The following STAB2 variants were observed in gnomAD, a reference collection of about 807,000 sequenced individuals.
The protein encoded by STAB2 is stabilin-2.
STAB2 carries 288 observed loss-of-function variants against 338.1 expected under a neutral mutation model. That is an observed-to-expected ratio of 0.85 (90% CI 0.77 to 0.94). The LOEUF (loss-of-function observed/expected upper bound fraction) is 0.94. STAB2 is among the 40% of genes least tolerant of loss of function. The pLI is 0.00. For synonymous variants in STAB2, 1,202 were observed against 1,193.3 expected (o/e 1.01, Z -0.15); for missense variants, 3,141 against 3,210.1 (o/e 0.98, Z 0.52).
At chr12:103,698,765 T>C (rs924873008) in intron 33 of STAB2, among the ~76,000 whole-genome samples, 63 of 152,120 alleles carry the variant, frequency 4.1e-4, no homozygotes, top group African/African-American at 1.4e-3. Flanking sequence ...AAAGGCAGGC[T>C]GGGGTGTGGG....
intron 60 of STAB2, among the ~76,000 whole-genome samples, chr12:103,750,951 T>C (rs1290848268): frequency 6.6e-6 from 1 of 152,158 alleles, no homozygotes; most frequent in Non-Finnish European, 1.5e-5. Context: ...AATCAGCCGG[T>C]TGTGGCAGTG....
At chr12:103,739,555 G>C in intron 54 of STAB2, 87 bp downstream of exon 54, 1 of 920,164 alleles carries the variant, frequency 1.1e-6, no homozygotes, top group Non-Finnish European at 1.6e-6. Context: ...GTGTGTGTGT[G>C]TGTGTGTGTG....
At chr12:103,671,251 A>G (rs1378445887) in intron 22 of STAB2, among the ~76,000 whole-genome samples, 1 of 152,172 alleles carries the variant, frequency 6.6e-6, no homozygotes, top group Non-Finnish European at 1.5e-5. Flanking sequence ...CAGGAGTTTG[A>G]GACCAGCCTG....
rs752753794 is a variant in STAB2, at chr12:103,749,106, G to A, written c.6388G>A (p.Gly2130Ser). The stretch of plus-strand genomic sequence containing the variant: ...CACAGAGATAGACCCCTGTGCAGAC[G>A]GCCTTAACGGAGGGTGTCACGAGCA... Reference protein sequence around the residue: ...SCTEIDPCADGLNGGCHEHAT... With the variant: ...SCTEIDPCADSLNGGCHEHAT... Residue 2130 changes from glycine to serine, a missense_variant, in exon 59 of 69, where the codon GGC (glycine) becomes AGC (serine). Transcript: ENST00000388887. The A allele has an allele frequency of 5.8e-5, 93 of 1,612,324 alleles. No homozygotes were observed. In the South Asian group the frequency reaches 8.3e-4, roughly 14 times the overall value.
chr12:103,673,949 GC>G lies in STAB2; in HGVS notation c.2415del (p.Ser805ArgfsTer70). The G allele has an allele frequency of 6.2e-7, 1 of 1,614,066 alleles. No individual in the cohort carries two copies. Reference sequence around the variant, plus strand: ...GGAACATGCAATAACAGGATAGACAGCGATGGGGCCTGCCTCACTGGCACAT... The same window carrying G: ...GGAACATGCAATAACAGGATAGACAGGATGGGGCCTGCCTCACTGGCACAT... ...VHGTCNNRIDSDGACLTGTCR... is the reference protein window; with the variant it reads ...VHGTCNNRIDXDGACLTGTCR... On this transcript the variant is annotated frameshift_variant, in exon 23 of 69. Coordinates refer to ENST00000388887, the MANE Select transcript of STAB2 (RefSeq NM_017564.10). LOFTEE classifies it high-confidence loss of function.
rs1415206245 is a variant in STAB2, at chr12:103,720,011, CCTT to C, written c.4683+2178_4683+2180del. Among the ~76,000 whole-genome samples the C allele has an allele frequency of 3.9e-5, 6 of 152,292 alleles. No individual in the cohort carries two copies. The South Asian group carries it at 8.3e-4, about 21-fold the overall frequency. ...AGTGCAGACGCCCTGTAATTAAAGCCCTTCTTCTTCAATTGAGGCTCCCATTAT... is the reference window on the plus strand; with the variant it reads ...AGTGCAGACGCCCTGTAATTAAAGCCCTTCTTCAATTGAGGCTCCCATTAT... On this transcript the variant is annotated intron_variant, in intron 44 of 68. Transcript: ENST00000388887.
rs139260818 is a variant in STAB2 at position 103,594,475 on chromosome 12, G to T, written c.296G>T (p.Arg99Leu). 10 of 1,613,950 alleles carry T rather than the reference G, an allele frequency of 6.2e-6. No individual in the cohort carries two copies. The highest frequency in any genetic ancestry group is 8.5e-6 in the Non-Finnish European group (10 of 1,179,852). The change falls in exon 3 of 69, where the codon CGG (arginine) becomes CTG (leucine). Residue 99 changes from arginine (R) to leucine (L), a missense_variant. Coordinates refer to ENST00000388887, the MANE Select transcript of STAB2 (RefSeq NM_017564.10). ...HICRKDYLQPRCCPGRWGPDC... is the reference protein window; with the variant it reads ...HICRKDYLQPLCCPGRWGPDC... ...TGTAGGAAGGACTATCTCCAACCTC[G>T]GTGTTGTCCTGGCCGCTGGGGCCCA... is the stretch of plus-strand genomic sequence containing the variant.
chr12:103,732,548 G>A (rs1417585112), intron 50 of STAB2, among the ~76,000 whole-genome samples: 2 of 152,180 alleles, frequency 1.3e-5, no homozygotes, highest in Non-Finnish European at 2.9e-5. Flanking sequence ...GCTCATGCCT[G>A]TAATCCTAGT....
intron 56 of STAB2, among the ~76,000 whole-genome samples, chr12:103,744,961 T>G (rs560088164): frequency 1.1e-4 from 16 of 152,334 alleles, no homozygotes; most frequent in African/African-American, 3.8e-4. Flanking sequence ...TTCTCTATTA[T>G]GTTTTTCCCT....
intron 54 of STAB2, among the ~76,000 whole-genome samples, chr12:103,739,980 G>A (rs976950944): frequency 1.3e-5 from 2 of 152,174 alleles, no homozygotes; most frequent in Admixed American, 6.5e-5. Flanking sequence ...TAATGTTTAA[G>A]TCAATGAAAT....
intron 47 of STAB2, among the ~76,000 whole-genome samples, chr12:103,728,361 C>T (rs1268381655): frequency 6.6e-6 from 1 of 152,146 alleles, no homozygotes; most frequent in Admixed American, 6.5e-5. Context: ...CCACCCGCCT[C>T]GGCCTCCCAG....
At chr12:103,624,966 A>G (rs1159094266) in intron 5 of STAB2, among the ~76,000 whole-genome samples, 2 of 148,268 alleles carry the variant, frequency 1.3e-5, no homozygotes, top group Non-Finnish European at 3.0e-5. Flanking sequence ...AAAAAAGGAT[A>G]TTGGTGTCCC....
At chr12:103,748,893 C>G in intron 58 of STAB2, 70 bp from the exon 59 acceptor site, 1 of 1,526,422 alleles carries the variant, frequency 6.6e-7, no homozygotes, top group Non-Finnish European at 8.9e-7. Context: ...TGTGGTGCCC[C>G]ATACCCTGAC....
Position 103,749,420 on chromosome 12 carries a change from C to T in STAB2, c.6438+264C>T, listed in dbSNP as rs1883383110. 2.0e-5 allele frequency among the ~76,000 whole-genome samples: 3 copies of T among 152,276 alleles called. No homozygotes were observed. The South Asian group carries it at 6.2e-4, about 32-fold the overall frequency. ...ACCAACATTAATTTCTTAGCTCTGA[C>T]TAATGTGCTATAGTTATGTTGGACA... On this transcript the variant is annotated intron_variant, in intron 59 of 68. Transcript: ENST00000388887.
intron 3 of STAB2, among the ~76,000 whole-genome samples, chr12:103,613,643 G>A (rs533588743): frequency 9.9e-4 from 150 of 152,188 alleles, no homozygotes; most frequent in African/African-American, 3.4e-3. Flanking sequence ...CCCGGGCGAG[G>A]CAATGCCTCG....
chr12:103,707,911 A>T (rs1266880321), intron 38 of STAB2, among the ~76,000 whole-genome samples: 1 of 152,138 alleles, frequency 6.6e-6, no homozygotes, highest in Non-Finnish European at 1.5e-5. Flanking sequence ...CTAAAATGGG[A>T]TTTGTAGATG....
At chr12:103,669,497 CT>C (rs753078579) in intron 20 of STAB2, 43 bp from the exon 21 acceptor site, 38 of 1,486,006 alleles carry the variant, frequency 2.6e-5, no homozygotes, top group Non-Finnish European at 3.6e-5. Flanking sequence ...GGAATTGGTG[CT>C]CTACTTGGGG....
At chr12:103,736,865 T>G (rs1309888533) in intron 52 of STAB2, among the ~76,000 whole-genome samples, 2 of 152,144 alleles carry the variant, frequency 1.3e-5, no homozygotes, top group Admixed American at 1.3e-4. Context: ...AAAAGCTTTC[T>G]AAAAGCATTT....
At chr12:103,623,986 C>G (rs921825464) in intron 5 of STAB2, among the ~76,000 whole-genome samples, 7 of 152,140 alleles carry the variant, frequency 4.6e-5, no homozygotes, top group African/African-American at 1.7e-4. Flanking sequence ...CCACGTCTCC[C>G]AAAAAGGAAT....
Sources: gnomAD v4.1 joint callset for allele counts (sites outside exome capture counted in the v4.1 genomes callset) on GRCh38, gnomAD v4.1.1 for gene constraint, MANE v1.5 for transcripts, NCBI Gene and HGNC (gene_info 2026-07-23, HGNC 2026-07-21) for gene names.